Variants in OPCML observed in about 807,000 individuals in gnomAD.
The protein encoded by OPCML is opioid binding protein/cell adhesion molecule like.
A neutral mutation model predicts 37.8 loss-of-function variants in OPCML; 13 were observed. That is an observed-to-expected ratio of 0.34 (90% CI 0.22 to 0.55). OPCML has a LOEUF of 0.55. OPCML is among the 20% of genes least tolerant of loss of function. The pLI is 0.91. For synonymous variants in OPCML, 176 were observed against 168.8 expected (o/e 1.04, Z -0.33); for missense variants, 341 against 435.6 (o/e 0.78, Z 1.93).
chr11:133,125,555 T>C (rs1371783175), intron 1 of OPCML, among the ~76,000 whole-genome samples: 1 of 147,922 alleles, frequency 6.8e-6, no homozygotes, highest in Non-Finnish European at 1.5e-5. Context: ...ACTAATAGGA[T>C]ATATATATAT....
intron 2 of OPCML, among the ~76,000 whole-genome samples, chr11:132,869,700 A>G (rs1460486113): frequency 2.6e-5 from 4 of 152,166 alleles, no homozygotes; most frequent in Admixed American, 6.5e-5. Flanking sequence ...TTCTCAGCTA[A>G]ATTCTGAAAG....
chr11:133,149,729 T>C (rs1949950435), intron 1 of OPCML, among the ~76,000 whole-genome samples: 1 of 152,254 alleles, frequency 6.6e-6, no homozygotes, highest in Non-Finnish European at 1.5e-5. Flanking sequence ...TTTTGTCATG[T>C]GGTGTCTGGC....
intron 3 of OPCML, among the ~76,000 whole-genome samples, chr11:132,582,451 A>G (rs903628699): frequency 6.6e-6 from 1 of 152,170 alleles, no homozygotes; most frequent in Non-Finnish European, 1.5e-5. Flanking sequence ...GATGCAAACA[A>G]CAGCAACAAT....
chr11:133,003,579 C>T, intron 1 of OPCML: 1 of 900,522 alleles, frequency 1.1e-6, no homozygotes, highest in Non-Finnish European at 1.3e-6. Context: ...TTCGCAAGTT[C>T]CAGGAATTAG....
rs370780759 is a variant in OPCML, at chr11:132,727,732, C to T, written c.147-70413G>A. ...GCACTTCTGCTCTGGAATCTCCAGTCGGGAAAATACTCATGGAATAAAATA... is the reference window on the plus strand; with the variant it reads ...GCACTTCTGCTCTGGAATCTCCAGTTGGGAAAATACTCATGGAATAAAATA... On this transcript the variant is annotated intron_variant, in intron 2 of 7. Transcript: ENST00000524381. Among the ~76,000 whole-genome samples, 87 of 152,280 alleles carry T rather than the reference C, an allele frequency of 5.7e-4. 1 individual carries two copies. The South Asian group carries it at 0.012, about 21-fold the overall frequency.
intron 2 of OPCML, among the ~76,000 whole-genome samples, chr11:132,658,532 G>A (rs184163727): frequency 6.6e-6 from 1 of 152,292 alleles, no homozygotes; most frequent in East Asian, 1.9e-4. Flanking sequence ...AATGGGGAAA[G>A]CACCTGATCT....
At chr11:133,366,826 C>T (rs992895039) in intron 1 of OPCML, among the ~76,000 whole-genome samples, 2 of 152,152 alleles carry the variant, frequency 1.3e-5, no homozygotes, top group Non-Finnish European at 2.9e-5. Context: ...ATGATTCTGT[C>T]CAAGATACCA....
chr11:133,500,282 A>G (rs76052809), intron 1 of OPCML, among the ~76,000 whole-genome samples: 7,907 of 152,260 alleles, frequency 0.052, 215 homozygotes, highest in South Asian at 0.089. Context: ...AGCAGGAACC[A>G]GGAGCCGGAC....
intron 3 of OPCML, among the ~76,000 whole-genome samples, chr11:132,582,104 T>TTGTGTG (rs145244488): frequency 2.3e-3 from 320 of 140,498 alleles, no homozygotes; most frequent in Middle Eastern, 7.2e-3. Context: ...CACACATACT[T>TTGTGTG]TGTGTGTGTG....
chr11:133,367,916 T>C (rs1333641940), intron 1 of OPCML, among the ~76,000 whole-genome samples: 1 of 152,232 alleles, frequency 6.6e-6, no homozygotes, highest in Non-Finnish European at 1.5e-5. Flanking sequence ...GCCTGTTTCC[T>C]GACTCAGCAT....
At chr11:133,387,630 T>G (rs888926063) in intron 1 of OPCML, among the ~76,000 whole-genome samples, 1 of 152,244 alleles carries the variant, frequency 6.6e-6, no homozygotes, top group African/African-American at 2.4e-5. Context: ...GTGTTTGTAT[T>G]TTTCAATAAA....
At chr11:132,426,336 C>T (rs922019397) in intron 7 of OPCML, among the ~76,000 whole-genome samples, 1 of 151,792 alleles carries the variant, frequency 6.6e-6, no homozygotes, top group Non-Finnish European at 1.5e-5. Flanking sequence ...GGGTAAGACA[C>T]ATAGCAACAA....
chr11:133,500,672 C>T (rs1200389563), intron 1 of OPCML, among the ~76,000 whole-genome samples: 2 of 152,154 alleles, frequency 1.3e-5, no homozygotes, highest in East Asian at 1.9e-4. Flanking sequence ...TTACCCGGCT[C>T]GAGTCCTCCT....
At chr11:133,292,520 T>C (rs1188648626) in intron 1 of OPCML, among the ~76,000 whole-genome samples, 2 of 152,182 alleles carry the variant, frequency 1.3e-5, no homozygotes, top group African/African-American at 4.8e-5. Flanking sequence ...GAAATCATCA[T>C]CATAATAATA....
chr11:133,273,685 C>A (rs149074779), intron 1 of OPCML, among the ~76,000 whole-genome samples: 1 of 152,106 alleles, frequency 6.6e-6, no homozygotes, highest in Non-Finnish European at 1.5e-5. Context: ...CTCTTCCTTC[C>A]GCAGGAAGAA....
At chr11:132,701,934 C>T (rs1414315676) in intron 2 of OPCML, among the ~76,000 whole-genome samples, 1 of 151,970 alleles carries the variant, frequency 6.6e-6, no homozygotes, top group African/African-American at 2.4e-5. Flanking sequence ...ATCTTAATTT[C>T]AACCACATAC....
intron 1 of OPCML, chr11:133,118,238 T>C (rs528427034): frequency 2.0e-6 from 2 of 985,422 alleles, no homozygotes; most frequent in Non-Finnish European, 2.4e-6. Flanking sequence ...CTGACATAGC[T>C]GGGATATATG....
chr11:132,960,966 C>T (rs1946080409), intron 1 of OPCML, among the ~76,000 whole-genome samples: 1 of 152,096 alleles, frequency 6.6e-6, no homozygotes, highest in Non-Finnish European at 1.5e-5. Flanking sequence ...GCAGGTGCGG[C>T]GATGAACAAC....
chr11:132,552,296 G>C (rs1364988780), intron 3 of OPCML, among the ~76,000 whole-genome samples: 1 of 152,196 alleles, frequency 6.6e-6, no homozygotes, highest in African/African-American at 2.4e-5. Flanking sequence ...GACATTACAT[G>C]AGACCTCTCC....
Sources: gnomAD v4.1 joint callset for allele counts (sites outside exome capture counted in the v4.1 genomes callset) on GRCh38, gnomAD v4.1.1 for gene constraint, MANE v1.5 for transcripts, NCBI Gene and HGNC (gene_info 2026-07-23, HGNC 2026-07-21) for gene names.